Variants in SPRED2 observed in about 807,000 individuals in gnomAD.
SPRED2 encodes the protein sprouty-related, EVH1 domain-containing protein 2.
A neutral mutation model predicts 43.0 loss-of-function variants in SPRED2; 47 were observed. The observed-to-expected ratio is 1.09, with a 90% CI of 0.87 to 1.40. The LOEUF is 1.40. Among genes scored for constraint, SPRED2 ranks in the 40% most tolerant of loss-of-function variants. The probability of loss-of-function intolerance (pLI) is 0.00; values close to 1 mark genes in which losing one functional copy is unlikely to be tolerated. For missense variants in SPRED2, 561 were observed against 586.4 expected (o/e 0.96, Z 0.45); for synonymous variants, 225 against 225.7 (o/e 1.00, Z 0.03).
At chr2:65,401,612 G>A (rs544522520) in intron 1 of SPRED2, among the ~76,000 whole-genome samples, 46 of 151,726 alleles carry the variant, frequency 3.0e-4, no homozygotes, top group Admixed American at 2.2e-3. Context: ...TGGCTAACAC[G>A]GTGAAACCCC....
intron 2 of SPRED2, among the ~76,000 whole-genome samples, chr2:65,339,558 A>C (rs1254454419): frequency 1.3e-5 from 2 of 150,812 alleles, no homozygotes; most frequent in South Asian, 2.1e-4. Flanking sequence ...ACCACTCCCT[A>C]ATCTCAAGTA....
chr2:65,364,770 G>GA (rs552615988), intron 1 of SPRED2, among the ~76,000 whole-genome samples: 39 of 146,820 alleles, frequency 2.7e-4, no homozygotes, highest in Middle Eastern at 3.5e-3. Flanking sequence ...AGGCCTCAAG[G>GA]AAAAAAAAAA....
intron 4 of SPRED2, among the ~76,000 whole-genome samples, chr2:65,325,718 A>ACC (rs1673591120): frequency 1.3e-5 from 2 of 152,234 alleles, no homozygotes; most frequent in African/African-American, 4.8e-5. Context: ...AGGGGTATGG[A>ACC]TCACCTGAGG....
At chr2:65,333,872 C>T (rs1253515420) in intron 3 of SPRED2, among the ~76,000 whole-genome samples, 1 of 152,206 alleles carries the variant, frequency 6.6e-6, no homozygotes, top group East Asian at 1.9e-4. Flanking sequence ...AAACATACAT[C>T]CTTTTGTGAT....
At position 65,432,061 on chromosome 2, in the gene SPRED2, C is replaced by A. The variant is rs899025381; in HGVS notation, c.-74G>T. 1.3e-5 allele frequency: 20 copies of A among 1,589,696 alleles called. No individual in the cohort carries two copies. The South Asian group carries it at 2.0e-4, about 16-fold the overall frequency. On this transcript the variant is annotated 5_prime_UTR_variant, in exon 1 of 6. In the 5' UTR this introduces an upstream ATG that the reference lacks. Coordinates refer to ENST00000356388, the MANE Select transcript of SPRED2 (RefSeq NM_181784.3). ...TTCATCTTCCTGTCCGCTCGCCCCC[C>A]TTCTTCACATCTCCGGAGATCGCCT...
At chr2:65,315,033 A>T (rs975318949) in intron 5 of SPRED2, among the ~76,000 whole-genome samples, 1 of 152,252 alleles carries the variant, frequency 6.6e-6, no homozygotes, top group African/African-American at 2.4e-5. Context: ...TTTTCTCTGC[A>T]GTTAGTCCTG....
At chr2:65,316,643 A>G (rs1673241263) in intron 5 of SPRED2, 91 bp downstream of exon 5, 4 of 1,469,740 alleles carry the variant, frequency 2.7e-6, no homozygotes, top group Non-Finnish European at 3.7e-6. Context: ...GCCTGTGGTC[A>G]TGGAATTTGG....
At chr2:65,412,541 A>G (rs2103767902) in intron 1 of SPRED2, among the ~76,000 whole-genome samples, 1 of 152,262 alleles carries the variant, frequency 6.6e-6, no homozygotes, top group Middle Eastern at 3.4e-3. Context: ...CTAGAGGTAG[A>G]TTTCTGGCAA....
chr2:65,331,092 T>C (rs74823386), intron 4 of SPRED2, among the ~76,000 whole-genome samples: 68 of 152,318 alleles, frequency 4.5e-4, no homozygotes, highest in African/African-American at 1.6e-3. Context: ...TTTCTTATTG[T>C]GGGTCAAGGC....
In SPRED2 at chr2:65,312,681, T is replaced by C. The variant is rs370237244; in HGVS notation, c.*820A>G. On this transcript the variant is annotated 3_prime_UTR_variant, in exon 6 of 6. Transcript: ENST00000356388. Reference sequence around the variant, plus strand: ...ACTTTAGGGGTAATGGGGAGGCTCATAGAAACCTGAAATCCCCATTCTAGC... The same window carrying C: ...ACTTTAGGGGTAATGGGGAGGCTCACAGAAACCTGAAATCCCCATTCTAGC... 22 of 985,894 alleles carry C rather than the reference T, an allele frequency of 2.2e-5. 1 individual carries two copies. The African/African-American group carries it at 3.3e-4, about 15-fold the overall frequency. 61.1% of individuals were successfully genotyped at this position (985,894 alleles called of 1,614,324 possible). A position where few individuals can be genotyped will look rare whatever the true frequency, so the allele number is the denominator to read the frequency against.
chr2:65,308,306 G>T, downstream of SPRED2: 1 of 985,446 alleles, frequency 1.0e-6, no homozygotes, highest in Non-Finnish European at 1.2e-6. Context: ...CTCCCACAGA[G>T]GCCACCGACT....
chr2:65,389,017 G>T (rs1310712623), intron 1 of SPRED2, among the ~76,000 whole-genome samples: 1 of 152,152 alleles, frequency 6.6e-6, no homozygotes, highest in African/African-American at 2.4e-5. Context: ...TCTGTACTGG[G>T]AGGGGCAGGC....
At chr2:65,342,093 T>C (rs9789444) in intron 2 of SPRED2, among the ~76,000 whole-genome samples, 40,507 of 150,812 alleles carry the variant, frequency 0.27, 6,808 homozygotes, top group East Asian at 0.7. Flanking sequence ...TTCACAGTTA[T>C]AACTGTTTAA....
chr2:65,372,085 G>GA (rs757072122), intron 1 of SPRED2, among the ~76,000 whole-genome samples: 40 of 143,266 alleles, frequency 2.8e-4, no homozygotes, highest in East Asian at 1.9e-3. Context: ...AAGAAAGAAA[G>GA]AAAAAAAAAA....
At chr2:65,323,585 A>G (rs1050047059) in intron 4 of SPRED2, among the ~76,000 whole-genome samples, 1 of 151,574 alleles carries the variant, frequency 6.6e-6, no homozygotes, top group Admixed American at 6.6e-5. Flanking sequence ...AAAAAAAAAA[A>G]TCCATCCCTG....
At chr2:65,382,804 A>ACT (rs1389404591) in intron 1 of SPRED2, among the ~76,000 whole-genome samples, 1 of 152,208 alleles carries the variant, frequency 6.6e-6, no homozygotes, top group African/African-American at 2.4e-5. Flanking sequence ...AGTTCGTACA[A>ACT]GCCTCATTTC....
intron 3 of SPRED2, among the ~76,000 whole-genome samples, chr2:65,333,152 G>A (rs996440241): frequency 1.3e-5 from 2 of 151,452 alleles, no homozygotes; most frequent in African/African-American, 4.9e-5. Context: ...TGTAATCCTA[G>A]CTACTGGGGA....
At chr2:65,393,480 C>T (rs935935878) in intron 1 of SPRED2, among the ~76,000 whole-genome samples, 2 of 151,930 alleles carry the variant, frequency 1.3e-5, no homozygotes, top group Non-Finnish European at 2.9e-5. Flanking sequence ...TACACAGGCA[C>T]GTGCCACTAC....
intron 1 of SPRED2, among the ~76,000 whole-genome samples, chr2:65,417,417 A>C (rs1169556042): frequency 6.6e-6 from 1 of 152,150 alleles, no homozygotes; most frequent in Non-Finnish European, 1.5e-5. Context: ...GACATGCGGA[A>C]ACCAAAGCTT....
Sources: gnomAD v4.1 joint callset for allele counts (sites outside exome capture counted in the v4.1 genomes callset) on GRCh38, gnomAD v4.1.1 for gene constraint, MANE v1.5 for transcripts, NCBI Gene and HGNC (gene_info 2026-07-23, HGNC 2026-07-21) for gene names.